Variants in RIT2 observed in about 807,000 individuals in gnomAD.
The protein encoded by RIT2 is Ras like without CAAX 2, also known as GTP-binding protein Rit2.
RIT2 carries 24 observed loss-of-function variants against 23.7 expected under a neutral mutation model. The observed-to-expected ratio is 1.01, with a 90% CI of 0.73 to 1.43. The LOEUF (loss-of-function observed/expected upper bound fraction) is 1.43. Among genes scored for constraint, RIT2 ranks in the 40% most tolerant of loss-of-function variants. RIT2 has a pLI of 0.00. For synonymous variants in RIT2, 107 were observed against 91.1 expected (o/e 1.17, Z -0.99); for missense variants, 236 against 266.9 (o/e 0.88, Z 0.81).
At chr18:42,943,705 A>G (rs1207923612) in intron 3 of RIT2, among the ~76,000 whole-genome samples, 6 of 152,106 alleles carry the variant, frequency 3.9e-5, no homozygotes, top group African/African-American at 1.4e-4. Flanking sequence ...TTGTTTGTAT[A>G]TATTAGCCTA....
intron 3 of RIT2, among the ~76,000 whole-genome samples, chr18:42,951,918 G>T (rs1464508038): frequency 6.6e-6 from 1 of 152,122 alleles, no homozygotes; most frequent in African/African-American, 2.4e-5. Flanking sequence ...GGCTAAGGAG[G>T]CCTCACAATC....
intron 1 of RIT2, among the ~76,000 whole-genome samples, chr18:43,086,390 A>C (rs1390893779): frequency 6.6e-6 from 1 of 152,222 alleles, no homozygotes; most frequent in Non-Finnish European, 1.5e-5. Context: ...TCCTAGAAAC[A>C]TGCAACCTAC....
chr18:42,794,487 A>G (rs1416371617), intron 4 of RIT2, among the ~76,000 whole-genome samples: 8 of 152,344 alleles, frequency 5.3e-5, no homozygotes, highest in Admixed American at 3.9e-4. Flanking sequence ...GCTTGCTTCT[A>G]CAGTACATCT....
chr18:42,848,018 C>G (rs987562817), intron 4 of RIT2, among the ~76,000 whole-genome samples: 19 of 150,738 alleles, frequency 1.3e-4, no homozygotes, highest in Non-Finnish European at 2.2e-4. Context: ...GAGACATTAC[C>G]CAGCTGCTGG....
At chr18:43,036,055 T>A (rs1270677366) in intron 1 of RIT2, among the ~76,000 whole-genome samples, 1 of 152,234 alleles carries the variant, frequency 6.6e-6, no homozygotes, top group Non-Finnish European at 1.5e-5. Context: ...AGAACTGTTA[T>A]GGGCTAAGTT....
At chr18:43,001,710 C>A (rs557701125) in intron 2 of RIT2, among the ~76,000 whole-genome samples, 83 of 152,132 alleles carry the variant, frequency 5.5e-4, no homozygotes, top group Admixed American at 1.6e-3. Context: ...AATTTCACTT[C>A]TTTTAAACAT....
intron 1 of RIT2, among the ~76,000 whole-genome samples, chr18:43,108,747 G>T (rs1045824945): frequency 6.6e-6 from 1 of 152,108 alleles, no homozygotes; most frequent in Non-Finnish European, 1.5e-5. Context: ...CTTTTACTGA[G>T]CCTTATTTAG....
intron 3 of RIT2, among the ~76,000 whole-genome samples, chr18:42,963,913 T>A (rs2144189882): frequency 6.7e-6 from 1 of 149,948 alleles, no homozygotes; most frequent in East Asian, 2.0e-4. Context: ...AATAACAGGC[T>A]GGGCATGATG....
chr18:42,792,570 C>A (rs558408949), intron 4 of RIT2, among the ~76,000 whole-genome samples: 1 of 152,212 alleles, frequency 6.6e-6, no homozygotes, highest in East Asian at 1.9e-4. Context: ...CATATTCATT[C>A]TCTAATTTAA....
intron 3 of RIT2, among the ~76,000 whole-genome samples, chr18:42,965,372 T>C (rs1490027784): frequency 6.6e-6 from 1 of 152,202 alleles, no homozygotes. Flanking sequence ...ATATGCTTCA[T>C]TCATTTTTAT....
chr18:43,010,574 A>G (rs180721252), intron 2 of RIT2, among the ~76,000 whole-genome samples: 3 of 151,976 alleles, frequency 2.0e-5, no homozygotes, highest in Non-Finnish European at 2.9e-5. Context: ...ATTCTTGAAA[A>G]TAAAATATAA....
At chr18:42,831,564 C>T (rs903280973) in intron 4 of RIT2, among the ~76,000 whole-genome samples, 4 of 151,908 alleles carry the variant, frequency 2.6e-5, no homozygotes, top group African/African-American at 9.7e-5. Context: ...GGGTTGGACA[C>T]GGGGCTTGTT....
chr18:42,936,106 C>G (rs758925737), intron 3 of RIT2, among the ~76,000 whole-genome samples: 9 of 151,816 alleles, frequency 5.9e-5, no homozygotes, highest in Non-Finnish European at 1.0e-4. Flanking sequence ...AGGAAGTGAT[C>G]ACAAATTGGC....
intron 4 of RIT2, among the ~76,000 whole-genome samples, chr18:42,779,875 T>C (rs1284725759): frequency 1.3e-5 from 2 of 152,104 alleles, no homozygotes; most frequent in Non-Finnish European, 2.9e-5. Context: ...AGCAGGTTAC[T>C]TAATATCCAA....
At chr18:42,922,343 G>GT (rs1341684951) in intron 4 of RIT2, among the ~76,000 whole-genome samples, 1 of 152,034 alleles carries the variant, frequency 6.6e-6, no homozygotes, top group Non-Finnish European at 1.5e-5. Flanking sequence ...TTAGTAAAAG[G>GT]TTTTACTAGT....
intron 4 of RIT2, among the ~76,000 whole-genome samples, chr18:42,908,522 A>G (rs1286611352): frequency 6.6e-6 from 1 of 152,202 alleles, no homozygotes; most frequent in Non-Finnish European, 1.5e-5. Context: ...CTAAACCCAA[A>G]GAATAAATCA....
intron 1 of RIT2, among the ~76,000 whole-genome samples, chr18:43,061,650 CG>C (rs1206063052): frequency 6.6e-6 from 1 of 152,028 alleles, no homozygotes; most frequent in Non-Finnish European, 1.5e-5. Flanking sequence ...ACCAATTGAA[CG>C]GTGCTTTTTC....
intron 4 of RIT2, among the ~76,000 whole-genome samples, chr18:42,865,138 T>C (rs1235597064): frequency 2.0e-5 from 3 of 152,206 alleles, no homozygotes; most frequent in African/African-American, 7.2e-5. Context: ...ATCTGTTCTT[T>C]GTAACAATCC....
intron 2 of RIT2, among the ~76,000 whole-genome samples, chr18:43,002,860 AGAGATTATTCAGGATTAT>A (rs1911139979): frequency 6.6e-6 from 1 of 151,954 alleles, no homozygotes; most frequent in Admixed American, 6.6e-5. Context: ...CTCAGCATAG[AGAGATTATTCAGGATTAT>A]CCAGGTGTGA....
Sources: gnomAD v4.1 joint callset for allele counts (sites outside exome capture counted in the v4.1 genomes callset) on GRCh38, gnomAD v4.1.1 for gene constraint, MANE v1.5 for transcripts, NCBI Gene and HGNC (gene_info 2026-07-23, HGNC 2026-07-21) for gene names.